Variants in CAMKMT observed in about 807,000 individuals in gnomAD.
The protein encoded by CAMKMT is calmodulin-lysine N-methyltransferase, also known as CaM KMT.
A neutral mutation model predicts 48.0 loss-of-function variants in CAMKMT; 53 were observed. That is an observed-to-expected ratio of 1.10 (90% CI 0.89 to 1.39). The LOEUF (loss-of-function observed/expected upper bound fraction) is 1.39, where lower values mean the gene tolerates loss of function less well. CAMKMT is among the 40% of genes most tolerant of loss of function. The pLI is 0.00. For missense variants in CAMKMT, 428 were observed against 402.7 expected (o/e 1.06, Z -0.54); for synonymous variants, 165 against 152.3 (o/e 1.08, Z -0.61).
chr2:44,388,973 T>G (rs758452993), intron 2 of CAMKMT, among the ~76,000 whole-genome samples: 1 of 152,166 alleles, frequency 6.6e-6, no homozygotes, highest in Admixed American at 6.5e-5. Flanking sequence ...TCTCTTTTTG[T>G]GCTGGTTGAC....
chr2:44,545,308 TATA>T (rs1411044034), intron 3 of CAMKMT, among the ~76,000 whole-genome samples: 1 of 152,166 alleles, frequency 6.6e-6, no homozygotes, highest in African/African-American at 2.4e-5. Flanking sequence ...CAAATAAACA[TATA>T]ATAAGAGAAA....
intron 3 of CAMKMT, among the ~76,000 whole-genome samples, chr2:44,541,046 C>A (rs1043454557): frequency 6.6e-6 from 1 of 152,038 alleles, no homozygotes; most frequent in South Asian, 2.1e-4. Context: ...TATTTCTGTA[C>A]CTTTTGTTCT....
intron 9 of CAMKMT, among the ~76,000 whole-genome samples, chr2:44,754,890 G>A (rs1490434762): frequency 6.6e-6 from 1 of 151,720 alleles, no homozygotes; most frequent in Non-Finnish European, 1.5e-5. Context: ...GACTCTTGCT[G>A]TGCCATAGGA....
chr2:44,548,939 C>T (rs1009590822), intron 3 of CAMKMT, among the ~76,000 whole-genome samples: 1 of 152,198 alleles, frequency 6.6e-6, no homozygotes, highest in Non-Finnish European at 1.5e-5. Flanking sequence ...CCATACCAGA[C>T]TTCTGACCTA....
intron 2 of CAMKMT, among the ~76,000 whole-genome samples, chr2:44,376,175 C>T (rs1679669993): frequency 6.6e-6 from 1 of 151,924 alleles, no homozygotes; most frequent in Admixed American, 6.6e-5. Flanking sequence ...CTTTGGGAGG[C>T]TGAGAAGGGT....
chr2:44,665,134 G>A (rs1054747922), intron 3 of CAMKMT, among the ~76,000 whole-genome samples: 5 of 152,064 alleles, frequency 3.3e-5, no homozygotes, highest in Non-Finnish European at 7.4e-5. Context: ...GCAGTGGTGC[G>A]ATCTCGGCTC....
chr2:44,386,897 GTTTTC>G lies in CAMKMT; in HGVS notation c.312-3341_312-3337del, dbSNP rs780936788. 2.0e-5 allele frequency among the ~76,000 whole-genome samples: 3 copies of G among 152,160 alleles called. No individual in the cohort carries two copies. The East Asian group carries it at 5.8e-4, about 29-fold the overall frequency. Reference sequence around the variant, plus strand: ...TGAGAGGGTGCTTGATATAATTCCAGTTTTCTTAAATGTATTTAGGCTCGTTTTAT... The same window carrying G: ...TGAGAGGGTGCTTGATATAATTCCAGTTAAATGTATTTAGGCTCGTTTTAT... On this transcript the variant is annotated intron_variant, in intron 2 of 10. Coordinates refer to ENST00000378494, the MANE Select transcript of CAMKMT (RefSeq NM_024766.5).
At chr2:44,574,958 G>A (rs933255902) in intron 3 of CAMKMT, among the ~76,000 whole-genome samples, 1 of 151,814 alleles carries the variant, frequency 6.6e-6, no homozygotes, top group Non-Finnish European at 1.5e-5. Flanking sequence ...GTTTTACCCT[G>A]TTGGCCACAC....
intron 9 of CAMKMT, among the ~76,000 whole-genome samples, chr2:44,766,128 T>C (rs1405368342): frequency 6.6e-6 from 1 of 152,232 alleles, no homozygotes; most frequent in Admixed American, 6.5e-5. Flanking sequence ...CTTAACCCAC[T>C]GGACCTGAGA....
chr2:44,628,368 TTGTC>T (rs1358607140), intron 3 of CAMKMT, among the ~76,000 whole-genome samples: 1 of 152,138 alleles, frequency 6.6e-6, no homozygotes, highest in African/African-American at 2.4e-5. Context: ...TCTCTATTGT[TTGTC>T]TGTTTTCTAT....
intron 1 of CAMKMT, among the ~76,000 whole-genome samples, chr2:44,367,913 C>T (rs1193209869): frequency 6.6e-6 from 1 of 152,202 alleles, no homozygotes; most frequent in Non-Finnish European, 1.5e-5. Flanking sequence ...AGCCTTACTC[C>T]TCTACCCATC....
At chr2:44,611,124 A>T (rs1671573319) in intron 3 of CAMKMT, among the ~76,000 whole-genome samples, 1 of 152,162 alleles carries the variant, frequency 6.6e-6, no homozygotes, top group Non-Finnish European at 1.5e-5. Flanking sequence ...GGTTAGGCTG[A>T]GTCCATTTAA....
At chr2:44,630,651 C>G (rs896194136) in intron 3 of CAMKMT, among the ~76,000 whole-genome samples, 3 of 151,906 alleles carry the variant, frequency 2.0e-5, no homozygotes, top group African/African-American at 7.3e-5. Flanking sequence ...AAAAAATGCT[C>G]ACCATCACTG....
At chr2:44,644,460 A>C (rs1167036966) in intron 3 of CAMKMT, among the ~76,000 whole-genome samples, 1 of 152,228 alleles carries the variant, frequency 6.6e-6, no homozygotes, top group Non-Finnish European at 1.5e-5. Context: ...TTTAACCTGT[A>C]TTGACATATG....
chr2:44,503,984 G>GGAGAGAGAGAGAGAGAGAGAGA (rs370141046), intron 3 of CAMKMT, among the ~76,000 whole-genome samples: 9 of 142,596 alleles, frequency 6.3e-5, no homozygotes, highest in African/African-American at 1.9e-4. Context: ...GAGCGGGTGG[G>GGAGAGAGAGAGAGAGAGAGAGA]GAGAGAGAGA....
rs181228218 is a variant in CAMKMT at position 44,674,441 on chromosome 2, C to T, written c.377-29842C>T. Among the ~76,000 whole-genome samples the T allele has an allele frequency of 1.8e-3, 274 of 152,154 alleles. 1 individual carries two copies. Among genetic ancestry groups the T allele is most frequent in the Admixed American group, 2.9e-3 (44 of 15,284 alleles). ...CAGTCTCTGGCACATAGCTGGGGTT[C>T]GAAAAATGTTAAATAAATGAAGAAA... On this transcript the variant is annotated intron_variant, in intron 3 of 10. Coordinates refer to ENST00000378494, the MANE Select transcript of CAMKMT (RefSeq NM_024766.5).
chr2:44,765,370 G>A (rs1680794312), intron 9 of CAMKMT, among the ~76,000 whole-genome samples: 1 of 152,150 alleles, frequency 6.6e-6, no homozygotes. Flanking sequence ...CTGACTACCA[G>A]GTGCTCAAGA....
At chr2:44,409,104 T>TTGCTACATAAAGACA (rs1558587771) in intron 3 of CAMKMT, among the ~76,000 whole-genome samples, 10 of 3,514 alleles carry the variant, frequency 2.8e-3, no homozygotes, top group African/African-American at 0.011. Context: ...TATATATATA[T>TTGCTACATAAAGACA]ATATATATAT....
chr2:44,655,723 A>G (rs780409675), intron 3 of CAMKMT, among the ~76,000 whole-genome samples: 4 of 152,120 alleles, frequency 2.6e-5, no homozygotes, highest in Non-Finnish European at 5.9e-5. Context: ...GAGCTATCCA[A>G]TTAGAAAAGG....
Sources: gnomAD v4.1 joint callset for allele counts (sites outside exome capture counted in the v4.1 genomes callset) on GRCh38, gnomAD v4.1.1 for gene constraint, MANE v1.5 for transcripts, NCBI Gene and HGNC (gene_info 2026-07-23, HGNC 2026-07-21) for gene names.